The following LNP1 variants were observed in gnomAD, a reference collection of about 807,000 sequenced individuals.
The protein encoded by LNP1 is leukemia NUP98 fusion partner 1.
A neutral mutation model predicts 14.5 loss-of-function variants in LNP1; 12 were observed. That is an observed-to-expected ratio of 0.83 (90% CI 0.53 to 1.34). The LOEUF (loss-of-function observed/expected upper bound fraction) is 1.34. Among genes scored for constraint, LNP1 ranks in the 40% most tolerant of loss-of-function variants. The pLI is 0.00. For synonymous variants in LNP1, 75 were observed against 71.4 expected (o/e 1.05, Z -0.26); for missense variants, 198 against 210.9 (o/e 0.94, Z 0.38).
intron 2 of LNP1, among the ~76,000 whole-genome samples, chr3:100,447,801 C>T (rs1267671528): frequency 1.3e-5 from 2 of 152,118 alleles, no homozygotes; most frequent in East Asian, 1.9e-4. Flanking sequence ...AAAATTCCCT[C>T]TTTATTTTGA....
rs113714038 is a variant in LNP1 at position 100,420,300 on chromosome 3, G to T, written c.-33-9397G>T. 2.4e-3 allele frequency among the ~76,000 whole-genome samples: 369 copies of T among 151,938 alleles called. 3 individuals carry two copies. The highest frequency in any genetic ancestry group is 0.014 in the Middle Eastern group (4 of 294). ...CTTGTTTTCTTTTCTTTGCCTGCCTGCCTTCCTTCCTTCCTTCCTTCCTTC... is the reference window on the plus strand; with the variant it reads ...CTTGTTTTCTTTTCTTTGCCTGCCTTCCTTCCTTCCTTCCTTCCTTCCTTC... On this transcript the variant is annotated intron_variant, in intron 1 of 3. Coordinates refer to ENST00000383693, the MANE Select transcript of LNP1 (RefSeq NM_001085451.2).
intron 2 of LNP1, among the ~76,000 whole-genome samples, chr3:100,437,332 T>C (rs1412839273): frequency 6.6e-6 from 1 of 152,236 alleles, no homozygotes; most frequent in African/African-American, 2.4e-5. Flanking sequence ...TGAAGCGTTA[T>C]AAGCTCACAG....
At chr3:100,436,904 C>G (rs530938332) in intron 2 of LNP1, among the ~76,000 whole-genome samples, 6 of 152,292 alleles carry the variant, frequency 3.9e-5, no homozygotes, top group African/African-American at 1.4e-4. Flanking sequence ...CTTTCTCTCT[C>G]TATCCCCACA....
At chr3:100,441,631 AATAT>A (rs59950841) in intron 2 of LNP1, among the ~76,000 whole-genome samples, 54,275 of 148,100 alleles carry the variant, frequency 0.37, 10,144 homozygotes, top group East Asian at 0.56. Flanking sequence ...ATTAGCTTTA[AATAT>A]ATATATATAT....
intron 1 of LNP1, among the ~76,000 whole-genome samples, chr3:100,424,480 G>A (rs960909563): frequency 6.6e-6 from 1 of 152,142 alleles, no homozygotes; most frequent in African/African-American, 2.4e-5. Flanking sequence ...GCAATGCTTT[G>A]TGGCCATTGT....
intron 2 of LNP1, among the ~76,000 whole-genome samples, chr3:100,447,451 G>A (rs1333355106): frequency 6.6e-6 from 1 of 152,134 alleles, no homozygotes; most frequent in Non-Finnish European, 1.5e-5. Context: ...GCCTGTTGGA[G>A]GGTGGGAGGC....
intron 1 of LNP1, among the ~76,000 whole-genome samples, chr3:100,409,604 ATATT>A (rs1707008726): frequency 2.3e-5 from 2 of 87,638 alleles, no homozygotes; most frequent in African/African-American, 1.2e-4. Flanking sequence ...ATATATATAT[ATATT>A]TTTTTTTTTT....
chr3:100,429,101 C>T (rs1418219082), intron 1 of LNP1, among the ~76,000 whole-genome samples: 3 of 152,080 alleles, frequency 2.0e-5, no homozygotes, highest in Non-Finnish European at 4.4e-5. Flanking sequence ...TTTACACGTA[C>T]TTGTATATTA....
At chr3:100,413,322 T>A (rs1200103531) in intron 1 of LNP1, among the ~76,000 whole-genome samples, 1 of 152,254 alleles carries the variant, frequency 6.6e-6, no homozygotes, top group African/African-American at 2.4e-5. Flanking sequence ...CATCAAAGCA[T>A]CAGTTGAGTG....
intron 1 of LNP1, among the ~76,000 whole-genome samples, chr3:100,403,352 C>G (rs1576222847): frequency 6.6e-6 from 1 of 152,078 alleles, no homozygotes; most frequent in Non-Finnish European, 1.5e-5. Flanking sequence ...TAGACATTAT[C>G]TTTTTCTTGG....
At chr3:100,448,151 A>G (rs945360486) in intron 2 of LNP1, among the ~76,000 whole-genome samples, 1 of 152,202 alleles carries the variant, frequency 6.6e-6, no homozygotes, top group South Asian at 2.1e-4. Context: ...CACCATTGTA[A>G]GATTATAACT....
intron 2 of LNP1, among the ~76,000 whole-genome samples, chr3:100,438,795 G>T (rs1178248826): frequency 6.6e-6 from 1 of 152,166 alleles, no homozygotes; most frequent in Non-Finnish European, 1.5e-5. Flanking sequence ...TGTAGCCCAG[G>T]AGCCCAGGGT....
chr3:100,432,099 G>A (rs1707249147), intron 2 of LNP1, among the ~76,000 whole-genome samples: 2 of 138,950 alleles, frequency 1.4e-5, no homozygotes. Context: ...TGTCTGCTTT[G>A]AGCTAATGGA....
At chr3:100,413,841 A>G (rs1332753706) in intron 1 of LNP1, among the ~76,000 whole-genome samples, 2 of 152,206 alleles carry the variant, frequency 1.3e-5, no homozygotes, top group African/African-American at 4.8e-5. Flanking sequence ...TTCACTCATA[A>G]AAGGCATTCA....
chr3:100,415,198 C>T lies in LNP1; in HGVS notation c.-34+12759C>T, dbSNP rs928805834. ...CAGAAAACATATACTGCAAAAGAGT[C>T]GGAAGATAAGACATACTGGGAAAAG... On this transcript the variant is annotated intron_variant, in intron 1 of 3. Transcript: ENST00000383693. 1.7e-4 allele frequency among the ~76,000 whole-genome samples: 26 copies of T among 151,946 alleles called. 1 individual carries two copies. The highest frequency in any genetic ancestry group is 5.8e-4 in the East Asian group (3 of 5,190).
At chr3:100,433,540 C>T (rs1393390556) in intron 2 of LNP1, among the ~76,000 whole-genome samples, 4 of 152,156 alleles carry the variant, frequency 2.6e-5, no homozygotes, top group Non-Finnish European at 2.9e-5. Context: ...GTGCATGTGT[C>T]TTTATAGTAG....
At chr3:100,441,211 A>T (rs1037532794) in intron 2 of LNP1, among the ~76,000 whole-genome samples, 2 of 152,244 alleles carry the variant, frequency 1.3e-5, no homozygotes, top group Non-Finnish European at 2.9e-5. Flanking sequence ...GCAAGGAAAC[A>T]GTGTTTTCAA....
intron 1 of LNP1, among the ~76,000 whole-genome samples, chr3:100,428,096 T>C (rs1707211171): frequency 6.6e-6 from 1 of 152,218 alleles, no homozygotes; most frequent in African/African-American, 2.4e-5. Flanking sequence ...GCCTGGACTT[T>C]GTTTTTCTAT....
intron 1 of LNP1, among the ~76,000 whole-genome samples, chr3:100,420,499 T>C (rs1164696951): frequency 3.3e-5 from 5 of 152,048 alleles, no homozygotes; most frequent in Admixed American, 3.3e-4. Context: ...AAAAATTTTA[T>C]AGAGACAGGG....
Sources: allele counts gnomAD v4.1 joint callset (sites outside exome capture counted in the v4.1 genomes callset), GRCh38; gene constraint gnomAD v4.1.1; transcripts MANE v1.5; gene names NCBI Gene and HGNC (gene_info 2026-07-23, HGNC 2026-07-21).